Variants in SREBF1 observed in about 807,000 individuals in gnomAD.
SREBF1 encodes sterol regulatory element binding transcription factor 1.
In SREBF1, 45 loss-of-function variants were observed where a neutral mutation model predicts 100.1. The ratio of observed to expected loss-of-function variants is 0.45; its 90% CI spans 0.35 to 0.58. The LOEUF (loss-of-function observed/expected upper bound fraction) is 0.58, where lower values mean the gene tolerates loss of function less well. Ranked by LOEUF, SREBF1 falls within the 20% of genes least tolerant of loss-of-function variation. The probability of loss-of-function intolerance (pLI) is 0.00; values close to 1 mark genes in which losing one functional copy is unlikely to be tolerated. For synonymous variants in SREBF1, 657 were observed against 681.8 expected, an observed-to-expected ratio of 0.96 and a Z score of 0.57; for missense variants, 1,324 against 1,539.4, an observed-to-expected ratio of 0.86 and a Z score of 2.34.
chr17:17,819,382 C>A lies in SREBF1; in HGVS notation c.784G>T (p.Val262Leu), dbSNP rs1433836672. The A allele has an allele frequency of 5.0e-6, 8 of 1,613,888 alleles. No individual in the cohort carries two copies. The highest frequency in any genetic ancestry group is 5.9e-6 in the Non-Finnish European group (7 of 1,180,046). ...AGGGGACTGAGACCTGCCGCCTTCA[C>A]AGTGGCTCCGTCTGTCTTCATGGCT... ...LTAMKTDGAT[V>L]KAAGLSPLVS... Residue 262 changes from valine to leucine, a missense_variant, in exon 4 of 19, where the codon GTG becomes TTG. Transcript: ENST00000261646.
In SREBF1 at chr17:17,817,809, C is replaced by A. The variant is rs1412802430; in HGVS notation, c.1291G>T (p.Asp431Tyr). The A allele has an allele frequency of 1.9e-6, 3 of 1,613,094 alleles. No homozygotes were observed. The African/African-American group carries it at 4.0e-5, about 22-fold the overall frequency. The change falls in exon 7 of 19, where the codon GAT (aspartate) becomes TAT (tyrosine). Residue 431 changes from aspartate to tyrosine, a missense_variant. Coordinates refer to ENST00000261646, the MANE Select transcript of SREBF1 (RefSeq NM_004176.5). The surrounding 1 kb of genome is among the most constrained non-coding windows in gnomAD (Gnocchi z 6.6). ...CTGCTCTGGAAAGGTGAGCCAGCAT[C>A]CGAGGGGGGTGGGGTCAGTGTGTCC... ...VEDTLTPPPS[D>Y]AGSPFQSSPL... is the part of the protein sequence containing the mutation.
chr17:17,828,338 G>A (rs191301839), intron 1 of SREBF1, among the ~76,000 whole-genome samples: 80 of 152,202 alleles, frequency 5.3e-4, no homozygotes, highest in Non-Finnish European at 6.8e-4. Flanking sequence ...CCCTCCACAT[G>A]CCAGCTCCCA....
intron 11 of SREBF1, 58 bp from the exon 12 acceptor site, chr17:17,816,086 C>T (rs1376313250): frequency 1.9e-6 from 3 of 1,576,194 alleles, no homozygotes; most frequent in African/African-American, 1.4e-5. Context: ...AGACCCCGGG[C>T]CGAGTCCCAG....
chr17:17,812,305 CCT>C lies in SREBF1; in HGVS notation c.*315_*316del, dbSNP rs2032956734. On this transcript the variant is annotated 3_prime_UTR_variant, in exon 19 of 19. Coordinates refer to ENST00000261646, the MANE Select transcript of SREBF1 (RefSeq NM_004176.5). ...TTCCGTCAGCACAGGGAAATGTACC[CCT>C]CTCTTCCCTGTACACAGGAGGAAAA... 2.0e-6 allele frequency: 1 copy of C among 496,192 alleles called. No individual in the cohort carries two copies. The allele number at this position is 496,192 out of a possible 1,614,324, so 30.7% of individuals were successfully genotyped here. A position where few individuals can be genotyped will look rare whatever the true frequency, so the allele number is the denominator to read the frequency against.
At chr17:17,836,130 A>T (rs1457973595) in intron 1 of SREBF1, among the ~76,000 whole-genome samples, 2 of 152,242 alleles carry the variant, frequency 1.3e-5, no homozygotes, top group Non-Finnish European at 2.9e-5. Context: ...GGGGGTACCC[A>T]GGTCTGTCTG....
At chr17:17,823,692 CCCCGCCCCGCCTGCAGGT>C (rs1202345232) in intron 1 of SREBF1, 19 of 825,500 alleles carry the variant, frequency 2.3e-5, no homozygotes, top group East Asian at 1.7e-4. Context: ...CCCGCCCCAG[CCCCGCCCCGCCTGCAGGT>C]CCCGCCCCGC....
At position 17,819,423 on chromosome 17, in the gene SREBF1, T is replaced by A. The variant is rs1235464798; in HGVS notation, c.743A>T (p.Asp248Val). ...CTTCATGGCTGTCAGAAGCAGCGAG[T>A]CTGCCTTGATGAAGTGGGGCTGCAG... ...VLLQPHFIKA[D>V]SLLLTAMKTD... The change falls in exon 4 of 19, where the codon GAC (aspartate) becomes GTC (valine). Residue 248 changes from aspartate to valine, a missense_variant. Asp to Val is a radical substitution (Grantham distance 152). Coordinates refer to ENST00000261646, the MANE Select transcript of SREBF1 (RefSeq NM_004176.5). 6.2e-7 allele frequency: 1 copy of A among 1,613,754 alleles called. No homozygotes were observed.
In SREBF1 at chr17:17,820,164, G is replaced by A. The variant is rs2033987929; in HGVS notation, c.449C>T (p.Pro150Leu). The change falls in exon 2 of 19, where the codon CCA (proline) becomes CTA (leucine). Residue 150 changes from proline to leucine, a missense_variant. Pro to Leu is a moderately conservative substitution (Grantham distance 98, BLOSUM62 -3). Transcript: ENST00000261646. ...LPGALLPQSF[P>L]APAPPQFSST... ...GCTGAACTGCGGTGGGGCTGGGGCT[G>A]GGAAGCTCTGTGGCAGGAGGGCCCC... 1 of 1,613,396 alleles carries A rather than the reference G, an allele frequency of 6.2e-7. No homozygotes were observed. Among genetic ancestry groups the A allele is most frequent in the Non-Finnish European group, 8.5e-7 (1 of 1,179,794 alleles).
At position 17,817,254 on chromosome 17, in the gene SREBF1, A is replaced by T; in HGVS notation, c.1606+2T>A. ...AAAGATGCCCAGGCTGGCCGGTCCC[A>T]CCTCTGCTCTCGGTGCCCAGCACGT... On this transcript the variant is annotated splice_donor_variant, in intron 8 of 18. Coordinates refer to ENST00000261646, the MANE Select transcript of SREBF1 (RefSeq NM_004176.5). LOFTEE classifies it high-confidence loss of function. This position sits in a 1 kb window ranked among gnomAD's most constrained non-coding sequence, Gnocchi z 6.6. 1.2e-6 allele frequency: 2 copies of T among 1,606,268 alleles called. No individual in the cohort carries two copies. The highest frequency in any genetic ancestry group is 8.5e-7 in the Non-Finnish European group (1 of 1,177,262).
intron 1 of SREBF1, among the ~76,000 whole-genome samples, chr17:17,834,019 TAA>T (rs2035069267): frequency 1.0e-5 from 1 of 100,124 alleles, no homozygotes; most frequent in Non-Finnish European, 2.3e-5. Context: ...CAAACACATA[TAA>T]ACACACAGAG....
chr17:17,816,834 C>A, intron 9 of SREBF1, 116 bp from the exon 10 acceptor site: 1 of 1,587,684 alleles, frequency 6.3e-7, no homozygotes, highest in South Asian at 1.1e-5. Flanking sequence ...GGATGCGTGG[C>A]TAGGCACAGG....
At chr17:17,815,011 C>T in intron 13 of SREBF1, 67 bp from the exon 14 acceptor site, 1 of 1,435,710 alleles carries the variant, frequency 7.0e-7, no homozygotes, top group Non-Finnish European at 9.6e-7. Flanking sequence ...TCCCCACCTG[C>T]CCTCCAGAGT....
rs1178820276 is a variant in SREBF1, at chr17:17,818,280, C to T, written c.1163G>A (p.Arg388His). 3.1e-6 allele frequency: 5 copies of T among 1,613,922 alleles called. No homozygotes were observed. The highest frequency in any genetic ancestry group is 4.2e-6 in the Non-Finnish European group (5 of 1,179,982). Residue 388 changes from arginine (R) to histidine (H), a missense_variant, in exon 6 of 19, where the codon CGC (arginine) becomes CAC (histidine). Physicochemically the swap from Arg to His is conservative, Grantham distance 29. Transcript: ENST00000261646. ...CTCACTGCTTTTGTGGACAGCAGTG[C>T]GCAGACTTAGGTTCTCCTGCTTGAG... ...QKLKQENLSL[R>H]TAVHKSKSLK...
At chr17:17,816,788 T>C (rs945427089) in intron 9 of SREBF1, 70 bp from the exon 10 acceptor site, 1 of 1,568,980 alleles carries the variant, frequency 6.4e-7, no homozygotes, top group Non-Finnish European at 8.6e-7. Context: ...AGAAGAGCCG[T>C]CCACAGCAGG....
intron 1 of SREBF1, among the ~76,000 whole-genome samples, chr17:17,823,318 C>T (rs915055839): frequency 2.6e-5 from 4 of 152,166 alleles, no homozygotes; most frequent in Non-Finnish European, 5.9e-5. Context: ...AACCCTTCCC[C>T]CTTGAGTTGC....
Position 17,817,812 on chromosome 17 carries a change from A to AG in SREBF1, c.1287dup (p.Ser430LeufsTer27). On this transcript the variant is annotated frameshift_variant, in exon 7 of 19. Transcript: ENST00000261646. LOFTEE classifies it high-confidence loss of function. This position sits in a 1 kb window ranked among gnomAD's most constrained non-coding sequence, Gnocchi z 6.6. ...CTCTGGAAAGGTGAGCCAGCATCCGAGGGGGGTGGGGTCAGTGTGTCCTCC... is the reference window on the plus strand; with the variant it reads ...CTCTGGAAAGGTGAGCCAGCATCCGAGGGGGGGTGGGGTCAGTGTGTCCTCC... 2 of 1,612,710 alleles carry AG rather than the reference A, an allele frequency of 1.2e-6. No individual in the cohort carries two copies.
rs2033505897 is a variant in SREBF1, at chr17:17,815,871, G to A, written c.2372C>T (p.Ala791Val). 1 of 1,612,456 alleles carries A rather than the reference G, an allele frequency of 6.2e-7. No homozygotes were observed. Among genetic ancestry groups the A allele is most frequent in the African/African-American group, 1.3e-5 (1 of 74,884 alleles). Residue 791 changes from alanine (A) to valine (V), a missense_variant, in exon 12 of 19, where the codon GCC becomes GTC. Coordinates refer to ENST00000261646, the MANE Select transcript of SREBF1 (RefSeq NM_004176.5). ...GGGTAAGAGAGCACCTGGGTTCCCG[G>A]CCAAGCTGTACAGGCTCTCCCATGG... is the stretch of plus-strand genomic sequence containing the variant. ...STPWESLYSL[A>V]GNPVDPLAQV...
chr17:17,826,390 C>T (rs1261396858), intron 1 of SREBF1, among the ~76,000 whole-genome samples: 1 of 151,946 alleles, frequency 6.6e-6, no homozygotes, highest in African/African-American at 2.4e-5. Context: ...CTCCCCTAGT[C>T]CCTGTCCTGG....
intron 1 of SREBF1, among the ~76,000 whole-genome samples, chr17:17,828,171 C>T (rs2034610041): frequency 6.6e-6 from 1 of 152,236 alleles, no homozygotes; most frequent in South Asian, 2.1e-4. Flanking sequence ...ACTGGTGTCT[C>T]CCTGGGCCTC....
Sources: allele counts gnomAD v4.1 joint callset (sites outside exome capture counted in the v4.1 genomes callset), GRCh38; gene constraint gnomAD v4.1.1; non-coding constraint Gnocchi (gnomAD v3.1); transcripts MANE v1.5; gene names NCBI Gene and HGNC (gene_info 2026-07-23, HGNC 2026-07-21).